ZNF445: variants seen among roughly 807,000 people sequenced by gnomAD.
ZNF445 encodes the protein zinc finger protein 445.
In ZNF445, 19 loss-of-function variants were observed where a neutral mutation model predicts 93.9. The observed-to-expected ratio is 0.20, with a 90% CI of 0.14 to 0.30. The LOEUF (loss-of-function observed/expected upper bound fraction) is 0.30. ZNF445 is among the 10% of genes least tolerant of loss of function. ZNF445 has a pLI of 1.00. For missense variants in ZNF445, 1,058 were observed against 1,259.4 expected (o/e 0.84, Z 2.42); for synonymous variants, 449 against 446.3 (o/e 1.01, Z -0.08).
chr3:44,454,522 C>G (rs1303822892), intron 3 of ZNF445, among the ~76,000 whole-genome samples: 1 of 152,212 alleles, frequency 6.6e-6, no homozygotes, highest in African/African-American at 2.4e-5. Flanking sequence ...CAGCCTTGAC[C>G]TAACCTGGGT....
At chr3:44,450,651 G>T in intron 5 of ZNF445, 78 bp from the exon 6 acceptor site, 1 of 1,558,468 alleles carries the variant, frequency 6.4e-7, no homozygotes, top group Non-Finnish European at 8.7e-7. Context: ...GGAATAAACT[G>T]GCTCTGTGTG....
chr3:44,464,499 T>C (rs759825806), intron 1 of ZNF445, among the ~76,000 whole-genome samples: 19 of 152,260 alleles, frequency 1.2e-4, no homozygotes, highest in Non-Finnish European at 2.4e-4. Flanking sequence ...ATAGAAACTT[T>C]TAATGCCTTT....
Position 44,437,710 on chromosome 3 carries a change from A to C in ZNF445, c.*8865T>G, listed in dbSNP as rs1000744207. On this transcript the variant is annotated 3_prime_UTR_variant, in exon 8 of 8. Coordinates refer to ENST00000396077, the MANE Select transcript of ZNF445 (RefSeq NM_181489.6). Reference sequence around the variant, plus strand: ...CCCCATCACTTACCCAAAGTCGTCCAATCAGTGCTGCAGTCTATTTCTTTG... The same window carrying C: ...CCCCATCACTTACCCAAAGTCGTCCCATCAGTGCTGCAGTCTATTTCTTTG... The C allele has an allele frequency of 2.6e-5, 4 of 152,244 alleles. No individual in the cohort carries two copies. The highest frequency in any genetic ancestry group is 7.2e-5 in the African/African-American group (3 of 41,454). 9.4% of individuals were successfully genotyped at this position (152,244 alleles called of 1,614,324 possible).
chr3:44,463,318 G>A (rs890545828), intron 1 of ZNF445, among the ~76,000 whole-genome samples: 1 of 152,154 alleles, frequency 6.6e-6, no homozygotes, highest in Non-Finnish European at 1.5e-5. Context: ...TTACAGGTGT[G>A]AGCCACTGAG....
At chr3:44,451,033 C>A (rs903162813) in intron 4 of ZNF445, 71 bp from the exon 5 acceptor site, 11 of 1,283,622 alleles carry the variant, frequency 8.6e-6, no homozygotes, top group African/African-American at 1.5e-5. Flanking sequence ...CTCTTCCCCC[C>A]AGTAGAGGAC....
At chr3:44,462,698 CT>C (rs1474842798) in intron 1 of ZNF445, among the ~76,000 whole-genome samples, 1 of 151,210 alleles carries the variant, frequency 6.6e-6, no homozygotes, top group African/African-American at 2.4e-5. Context: ...AAAAAAGAAA[CT>C]GCTTACCATC....
At chr3:44,454,669 C>A (rs921212358) in intron 3 of ZNF445, among the ~76,000 whole-genome samples, 2 of 152,124 alleles carry the variant, frequency 1.3e-5, no homozygotes, top group African/African-American at 4.8e-5. Context: ...TCAAGCAATC[C>A]GCCCACCTTG....
intron 1 of ZNF445, among the ~76,000 whole-genome samples, chr3:44,467,490 G>C (rs1698211423): frequency 6.6e-6 from 1 of 152,094 alleles, no homozygotes; most frequent in South Asian, 2.1e-4. Context: ...ACAACCCGTG[G>C]TAAGTAAAGA....
chr3:44,476,149 C>T (rs183285035), intron 1 of ZNF445, among the ~76,000 whole-genome samples: 3 of 152,272 alleles, frequency 2.0e-5, no homozygotes, highest in African/African-American at 7.2e-5. Flanking sequence ...GTTTCTAATA[C>T]AAAATCTTGA....
Position 44,434,934 on chromosome 3 carries a change from A to AT in ZNF445, c.*11640dup, listed in dbSNP as rs1239831023. On this transcript the variant is annotated 3_prime_UTR_variant, in exon 8 of 8. Coordinates refer to ENST00000396077, the MANE Select transcript of ZNF445 (RefSeq NM_181489.6). ...ACGTGCTACCTTATAGATAACATTT[A>AT]TAAGTCACCATAACAACCACTTATT... is the stretch of plus-strand genomic sequence containing the variant. The AT allele has an allele frequency of 6.6e-6, 1 of 152,242 alleles. No homozygotes were observed. 9.4% of individuals were successfully genotyped at this position (152,242 alleles called of 1,614,324 possible).
chr3:44,475,364 A>T (rs1037634273), intron 1 of ZNF445, among the ~76,000 whole-genome samples: 4 of 151,616 alleles, frequency 2.6e-5, no homozygotes, highest in Admixed American at 6.6e-5. Flanking sequence ...ATGCCCAGCT[A>T]ATTTTTTGTA....
intron 1 of ZNF445, among the ~76,000 whole-genome samples, chr3:44,461,133 T>G (rs1243301737): frequency 6.6e-6 from 1 of 152,188 alleles, no homozygotes; most frequent in Non-Finnish European, 1.5e-5. Flanking sequence ...GTGAGTATCC[T>G]AGGCGCTGCC....
chr3:44,473,678 G>C (rs1201228013), intron 1 of ZNF445, among the ~76,000 whole-genome samples: 1 of 151,090 alleles, frequency 6.6e-6, no homozygotes. Context: ...CCAGGCTGGG[G>C]AGGGAAAAAT....
At chr3:44,469,730 C>G (rs1326546601) in intron 1 of ZNF445, among the ~76,000 whole-genome samples, 1 of 152,022 alleles carries the variant, frequency 6.6e-6, no homozygotes, top group Non-Finnish European at 1.5e-5. Context: ...GATCGTGCCA[C>G]TGCACTCCAG....
intron 7 of ZNF445, 93 bp from the exon 8 acceptor site, chr3:44,448,832 G>A: frequency 7.0e-7 from 1 of 1,435,368 alleles, no homozygotes; most frequent in Non-Finnish European, 9.3e-7. Flanking sequence ...TGGGTGGTGA[G>A]GCTTTTGCCT....
intron 1 of ZNF445, among the ~76,000 whole-genome samples, chr3:44,468,185 G>A (rs1482734988): frequency 6.6e-6 from 1 of 152,176 alleles, no homozygotes; most frequent in Middle Eastern, 3.2e-3. Context: ...GAAGAAGCCA[G>A]AGCAATCAAC....
chr3:44,458,674 C>T (rs184819342), intron 1 of ZNF445, among the ~76,000 whole-genome samples: 1 of 152,154 alleles, frequency 6.6e-6, no homozygotes, highest in African/African-American at 2.4e-5. Flanking sequence ...GAAAATAGAA[C>T]ACCTCTCTCT....
Position 44,434,167 on chromosome 3 carries a change from C to T in ZNF445, c.*12408G>A, listed in dbSNP as rs1484295463. ...GTGGCTCACTTCTGTAATCCCAGCA[C>T]TTTGGGAGGCTGAGGTGGGCAGATC... is the stretch of plus-strand genomic sequence containing the variant. On this transcript the variant is annotated 3_prime_UTR_variant, in exon 8 of 8. Transcript: ENST00000396077. 2 of 151,410 alleles carry T rather than the reference C, an allele frequency of 1.3e-5. No individual in the cohort carries two copies. The highest frequency in any genetic ancestry group is 2.9e-5 in the Non-Finnish European group (2 of 67,972). 9.4% of individuals were successfully genotyped at this position (151,410 alleles called of 1,614,324 possible).
chr3:44,434,547 T>C lies in ZNF445; in HGVS notation c.*12028A>G, dbSNP rs1477975252. On this transcript the variant is annotated 3_prime_UTR_variant, in exon 8 of 8. Coordinates refer to ENST00000396077, the MANE Select transcript of ZNF445 (RefSeq NM_181489.6). Reference sequence around the variant, plus strand: ...CAGTTGCTACTCCCTGTACACCAGGTCCAGTGACTATAATGTCATCAATAT... The same window carrying C: ...CAGTTGCTACTCCCTGTACACCAGGCCCAGTGACTATAATGTCATCAATAT... 1.3e-5 allele frequency: 2 copies of C among 152,144 alleles called. No homozygotes were observed. Among genetic ancestry groups the C allele is most frequent in the Admixed American group, 1.3e-4 (2 of 15,260 alleles). The allele number at this position is 152,144 out of a possible 1,614,324, so 9.4% of individuals were successfully genotyped here.
Sources: allele counts gnomAD v4.1 joint callset (sites outside exome capture counted in the v4.1 genomes callset), GRCh38; gene constraint gnomAD v4.1.1; transcripts MANE v1.5; gene names NCBI Gene and HGNC (gene_info 2026-07-23, HGNC 2026-07-21).